CCDC7: variants seen among roughly 807,000 people sequenced by gnomAD.
CCDC7 encodes the protein coiled-coil domain containing 7.
Under a neutral mutation model 196.9 loss-of-function variants are expected in CCDC7, and 183 were observed. That is an observed-to-expected ratio of 0.93 (90% CI 0.82 to 1.05). CCDC7 has a LOEUF of 1.05. Among genes scored for constraint, CCDC7 ranks in the 50% least tolerant of loss-of-function variants. The probability of loss-of-function intolerance (pLI) is 0.00; values close to 1 mark genes in which losing one functional copy is unlikely to be tolerated. For missense variants in CCDC7, 1,540 were observed against 1,482.2 expected, an observed-to-expected ratio of 1.04 and a Z score of -0.64; for synonymous variants, 525 against 484.6, an observed-to-expected ratio of 1.08 and a Z score of -1.10.
At chr10:32,738,470 T>C (rs2085244227) in intron 28 of CCDC7, among the ~76,000 whole-genome samples, 1 of 139,910 alleles carries the variant, frequency 7.1e-6, no homozygotes, top group Non-Finnish European at 1.5e-5. Flanking sequence ...ATGGTTTCTT[T>C]CACTTTTTTT....
intron 20 of CCDC7, among the ~76,000 whole-genome samples, chr10:32,638,928 G>T (rs1030237259): frequency 5.3e-5 from 8 of 152,172 alleles, no homozygotes; most frequent in Non-Finnish European, 4.4e-5. Flanking sequence ...GGTCTATTCA[G>T]AGATTCAACT....
At chr10:32,839,706 A>G (rs1446561020) in intron 33 of CCDC7, among the ~76,000 whole-genome samples, 1 of 151,962 alleles carries the variant, frequency 6.6e-6, no homozygotes, top group Non-Finnish European at 1.5e-5. Context: ...TATACATTCT[A>G]TTCATCAGCA....
intron 25 of CCDC7, among the ~76,000 whole-genome samples, chr10:32,713,375 C>T (rs369596358): frequency 6.6e-6 from 1 of 152,238 alleles, no homozygotes; most frequent in African/African-American, 2.4e-5. Context: ...AAACTTTGTC[C>T]TAGGTGTAGG....
At chr10:32,604,290 G>A (rs566821027) in intron 18 of CCDC7, among the ~76,000 whole-genome samples, 1 of 152,046 alleles carries the variant, frequency 6.6e-6, no homozygotes, top group African/African-American at 2.4e-5. Flanking sequence ...TGTTCCATTG[G>A]TCTATGTGTC....
chr10:32,719,179 A>G (rs1027046834), intron 25 of CCDC7, among the ~76,000 whole-genome samples: 8 of 152,210 alleles, frequency 5.3e-5, no homozygotes, highest in African/African-American at 1.9e-4. Context: ...AAACAGATAT[A>G]TAGACCAATG....
At chr10:32,451,256 G>A (rs1243722358), upstream of CCDC7, among the ~76,000 whole-genome samples, 2 of 152,084 alleles carry the variant, frequency 1.3e-5, no homozygotes, top group African/African-American at 4.8e-5. Context: ...CACTTAACTT[G>A]TCTGAGCTCA....
At chr10:32,580,342 A>T (rs1162933097) in intron 16 of CCDC7, among the ~76,000 whole-genome samples, 1 of 152,136 alleles carries the variant, frequency 6.6e-6, no homozygotes, top group Non-Finnish European at 1.5e-5. Context: ...CAAGTGTTTT[A>T]ACCTTTTATC....
At chr10:32,690,217 T>G (rs1267425473) in intron 23 of CCDC7, among the ~76,000 whole-genome samples, 1 of 152,200 alleles carries the variant, frequency 6.6e-6, no homozygotes, top group Admixed American at 6.5e-5. Flanking sequence ...CCAGTCCTTT[T>G]GGGAGATTTC....
rs116825767 is a variant in CCDC7 at position 32,604,074 on chromosome 10, A to G, written c.1801+19770A>G. ...CTGCGTTTTCTTCTAGTAGTTTTATAGTTTCAGGTCTTACATTTAAGCCTT... is the reference window on the plus strand; with the variant it reads ...CTGCGTTTTCTTCTAGTAGTTTTATGGTTTCAGGTCTTACATTTAAGCCTT... On this transcript the variant is annotated intron_variant, in intron 18 of 41. Coordinates refer to ENST00000639629, the Ensembl canonical transcript of CCDC7. Among the ~76,000 whole-genome samples the G allele has an allele frequency of 8.1e-3, 1,227 of 152,158 alleles. 23 individuals are homozygous for G. Among genetic ancestry groups the G allele is most frequent in the African/African-American group, 0.027 (1,108 of 41,528 alleles).
chr10:32,722,834 T>C (rs2082603410), intron 25 of CCDC7, among the ~76,000 whole-genome samples: 1 of 152,096 alleles, frequency 6.6e-6, no homozygotes, highest in African/African-American at 2.4e-5. Context: ...ATCATAGTTG[T>C]GCACCAAATC....
intron 21 of CCDC7, among the ~76,000 whole-genome samples, chr10:32,667,737 T>G (rs1316854163): frequency 6.6e-6 from 1 of 152,200 alleles, no homozygotes; most frequent in African/African-American, 2.4e-5. Flanking sequence ...TATCTCTGTT[T>G]TGGTACCAGC....
intron 13 of CCDC7, among the ~76,000 whole-genome samples, chr10:32,548,309 A>T (rs1434995124): frequency 6.6e-6 from 1 of 152,150 alleles, no homozygotes; most frequent in Non-Finnish European, 1.5e-5. Context: ...GGAGGGGCAG[A>T]GTCAGTAGTT....
intron 41 of CCDC7, among the ~76,000 whole-genome samples, chr10:32,865,402 T>TACACACAC (rs57916933): frequency 1.3e-5 from 2 of 148,828 alleles, no homozygotes; most frequent in African/African-American, 2.5e-5. Context: ...ACTCCTATTA[T>TACACACAC]ACACACACAC....
At chr10:32,780,621 ATATC>A (rs1178094596) in intron 29 of CCDC7, among the ~76,000 whole-genome samples, 1 of 152,170 alleles carries the variant, frequency 6.6e-6, no homozygotes, top group Admixed American at 6.5e-5. Flanking sequence ...CACAAAGAAA[ATATC>A]TATGGTGCAT....
intron 21 of CCDC7, among the ~76,000 whole-genome samples, chr10:32,670,765 A>G (rs1267395366): frequency 2.0e-5 from 3 of 151,506 alleles, no homozygotes; most frequent in East Asian, 3.9e-4. Context: ...GATCTTTTCT[A>G]TTGTTTTTTT....
intron 18 of CCDC7, among the ~76,000 whole-genome samples, chr10:32,597,417 T>C (rs1278708188): frequency 6.6e-6 from 1 of 152,196 alleles, no homozygotes; most frequent in Non-Finnish European, 1.5e-5. Flanking sequence ...AGTTAGCCAT[T>C]CGTCTACTCT....
chr10:32,452,051 T>C, intron 1 of CCDC7, 130 bp downstream of exon 2: 1 of 1,293,112 alleles, frequency 7.7e-7, no homozygotes, highest in Non-Finnish European at 1.0e-6. Flanking sequence ...AGTAGGCACA[T>C]GAGGTGAAAT....
At chr10:32,740,558 G>C (rs941762273) in intron 28 of CCDC7, among the ~76,000 whole-genome samples, 1 of 152,104 alleles carries the variant, frequency 6.6e-6, no homozygotes, top group East Asian at 1.9e-4. Context: ...GCAGATTTTG[G>C]CATATGTGTG....
chr10:32,625,020 C>G (rs1277068733), intron 18 of CCDC7, among the ~76,000 whole-genome samples: 1 of 59,624 alleles, frequency 1.7e-5, no homozygotes, highest in Admixed American at 2.3e-4. Context: ...TAGTTCTTCA[C>G]TAATCTGCAG....
Sources: gnomAD v4.1 joint callset for allele counts (sites outside exome capture counted in the v4.1 genomes callset) on GRCh38, gnomAD v4.1.1 for gene constraint, MANE v1.5 for transcripts, NCBI Gene and HGNC (gene_info 2026-07-23, HGNC 2026-07-21) for gene names.